PPP4R3B: variants seen among roughly 807,000 people sequenced by gnomAD.
The protein encoded by PPP4R3B is serine/threonine-protein phosphatase 4 regulatory subunit 3B.
A neutral mutation model predicts 95.4 loss-of-function variants in PPP4R3B; 52 were observed. The observed-to-expected ratio is 0.54, with a 90% CI of 0.44 to 0.69. The LOEUF is 0.69. PPP4R3B is among the 30% of genes least tolerant of loss of function. The probability of loss-of-function intolerance (pLI) is 0.00; values close to 1 mark genes in which losing one functional copy is unlikely to be tolerated. For synonymous variants in PPP4R3B, 407 were observed against 343.9 expected (o/e 1.18, Z -2.03); for missense variants, 1,003 against 1,005.9 (o/e 1.00, Z 0.04).
intron 13 of PPP4R3B, among the ~76,000 whole-genome samples, chr2:55,567,696 G>A (rs1341993725): frequency 6.6e-6 from 1 of 152,140 alleles, no homozygotes; most frequent in African/African-American, 2.4e-5. Context: ...GATTACAGAC[G>A]TAAGCCACCA....
chr2:55,574,990 T>C (rs1042800611), intron 11 of PPP4R3B, among the ~76,000 whole-genome samples: 13 of 141,642 alleles, frequency 9.2e-5, no homozygotes, highest in African/African-American at 3.2e-4. Flanking sequence ...CAGACTGGAG[T>C]GCAGTGGTGC....
At chr2:55,550,049 A>T in intron 16 of PPP4R3B, 43 bp from the exon 17 acceptor site, 1 of 1,297,378 alleles carries the variant, frequency 7.7e-7, no homozygotes, top group Non-Finnish European at 1.1e-6. Flanking sequence ...CATATATAAC[A>T]AAAAAGAGCT....
chr2:55,555,297 A>G (rs951559724), intron 16 of PPP4R3B, among the ~76,000 whole-genome samples: 12 of 139,932 alleles, frequency 8.6e-5, no homozygotes, highest in African/African-American at 3.1e-4. Flanking sequence ...AAAAAAAAAA[A>G]GAAAGAAAGA....
chr2:55,617,383 C>T lies in PPP4R3B; in HGVS notation c.-98G>A. 2.3e-6 allele frequency: 3 copies of T among 1,288,458 alleles called. No homozygotes were observed. The highest frequency in any genetic ancestry group is 2.9e-5 in the East Asian group (1 of 34,886). The allele number at this position is 1,288,458 out of a possible 1,614,324, so 79.8% of individuals were successfully genotyped here. A position where few individuals can be genotyped will look rare whatever the true frequency, so the allele number is the denominator to read the frequency against. On this transcript the variant is annotated 5_prime_UTR_variant, in exon 1 of 17. Transcript: ENST00000616407. ...ACGGTAAAGGCAGTAGTGGCGGTGG[C>T]GGCGGCGGCGGCTTCGGAGAGGCCC...
At chr2:55,583,713 C>T (rs921505841) in intron 7 of PPP4R3B, among the ~76,000 whole-genome samples, 11 of 152,140 alleles carry the variant, frequency 7.2e-5, no homozygotes, top group Non-Finnish European at 1.5e-4. Context: ...GAATTAGCAT[C>T]ATTTGACATT....
intron 2 of PPP4R3B, among the ~76,000 whole-genome samples, chr2:55,610,872 T>TC (rs1455385014): frequency 1.3e-5 from 2 of 151,060 alleles, no homozygotes; most frequent in East Asian, 3.9e-4. Flanking sequence ...GACTCTGGTT[T>TC]TTTTTTTTTT....
At chr2:55,582,176 T>C (rs1689530746) in intron 7 of PPP4R3B, among the ~76,000 whole-genome samples, 1 of 152,188 alleles carries the variant, frequency 6.6e-6, no homozygotes, top group Non-Finnish European at 1.5e-5. Flanking sequence ...AATAACCCAG[T>C]ACACAACTCT....
Position 55,617,373 on chromosome 2 carries a change from G to A in PPP4R3B, c.-88C>T, listed in dbSNP as rs1403731989. The stretch of plus-strand genomic sequence containing the variant: ...CTCTTAGGAGACGGTAAAGGCAGTA[G>A]TGGCGGTGGCGGCGGCGGCGGCTTC... On this transcript the variant is annotated 5_prime_UTR_variant, in exon 1 of 17. Coordinates refer to ENST00000616407, the MANE Select transcript of PPP4R3B (RefSeq NM_001122964.3). 33 of 1,371,972 alleles carry A rather than the reference G, an allele frequency of 2.4e-5. No homozygotes were observed. The highest frequency in any genetic ancestry group is 3.0e-5 in the Non-Finnish European group (32 of 1,052,058). 85.0% of individuals were successfully genotyped at this position (1,371,972 alleles called of 1,614,324 possible).
At chr2:55,581,814 T>G in intron 7 of PPP4R3B, 116 bp from the exon 8 acceptor site, 1 of 1,079,300 alleles carries the variant, frequency 9.3e-7, no homozygotes, top group South Asian at 1.9e-5. Flanking sequence ...AAACGAAGAA[T>G]GGAATAGCTT....
At chr2:55,571,797 T>C (rs1353321897) in intron 12 of PPP4R3B, among the ~76,000 whole-genome samples, 2 of 152,176 alleles carry the variant, frequency 1.3e-5, no homozygotes, top group South Asian at 2.1e-4. Context: ...GGCTAATTTT[T>C]GTAGTTTTAG....
intron 4 of PPP4R3B, chr2:55,591,813 T>A (rs922406201): frequency 4.3e-6 from 1 of 232,850 alleles, no homozygotes; most frequent in African/African-American, 2.3e-5. Context: ...TTCATTAAGC[T>A]ATAAAAGCAC....
intron 7 of PPP4R3B, among the ~76,000 whole-genome samples, chr2:55,582,988 T>A (rs969872950): frequency 1.3e-5 from 2 of 152,072 alleles, no homozygotes; most frequent in African/African-American, 4.8e-5. Flanking sequence ...ATAGAAACAA[T>A]GACTACAGTA....
At chr2:55,563,177 A>G (rs72803542) in intron 15 of PPP4R3B, among the ~76,000 whole-genome samples, 5,702 of 152,354 alleles carry the variant, frequency 0.037, 148 homozygotes, top group South Asian at 0.09. Context: ...GGATATTTTA[A>G]TAAGCTTTTT....
intron 4 of PPP4R3B, among the ~76,000 whole-genome samples, chr2:55,590,135 T>G (rs985916560): frequency 3.3e-4 from 50 of 150,604 alleles, no homozygotes; most frequent in African/African-American, 1.2e-3. Flanking sequence ...CCAGACCAGC[T>G]TGACCAACAT....
intron 3 of PPP4R3B, among the ~76,000 whole-genome samples, chr2:55,602,961 T>A (rs1016311347): frequency 6.9e-6 from 1 of 144,974 alleles, no homozygotes; most frequent in African/African-American, 2.5e-5. Context: ...ACGAATACTC[T>A]TTTTTTTTTT....
intron 13 of PPP4R3B, 43 bp downstream of exon 13, chr2:55,568,151 A>C: frequency 8.1e-7 from 1 of 1,239,394 alleles, no homozygotes; most frequent in Non-Finnish European, 1.1e-6. Context: ...AAAATTATTT[A>C]CATATAATTA....
At chr2:55,595,053 C>A (rs939593033) in intron 4 of PPP4R3B, among the ~76,000 whole-genome samples, 3 of 144,172 alleles carry the variant, frequency 2.1e-5, no homozygotes, top group African/African-American at 7.7e-5. Flanking sequence ...TTCAGACAGT[C>A]TCGCTCTGTC....
intron 15 of PPP4R3B, among the ~76,000 whole-genome samples, chr2:55,561,114 C>T (rs1235814020): frequency 6.6e-6 from 1 of 152,036 alleles, no homozygotes; most frequent in Admixed American, 6.6e-5. Context: ...ACCCTGCATC[C>T]CAGGTGCTGC....
intron 4 of PPP4R3B, chr2:55,591,453 A>T: frequency 1.1e-6 from 1 of 922,126 alleles, no homozygotes; most frequent in Non-Finnish European, 1.3e-6. Context: ...TACTTTTTCC[A>T]AATACTTTTA....
Sources: allele counts gnomAD v4.1 joint callset (sites outside exome capture counted in the v4.1 genomes callset), GRCh38; gene constraint gnomAD v4.1.1; transcripts MANE v1.5; gene names NCBI Gene and HGNC (gene_info 2026-07-23, HGNC 2026-07-21).